C1orf146: variants seen among roughly 807,000 people sequenced by gnomAD.
C1orf146 encodes the protein chromosome 1 open reading frame 146.
In C1orf146, 22 loss-of-function variants were observed where a neutral mutation model predicts 23.0. The observed-to-expected ratio is 0.96, with a 90% CI of 0.68 to 1.36. C1orf146 has a LOEUF of 1.36. Ranked by LOEUF, C1orf146 falls within the 40% of genes most tolerant of loss-of-function variation. The pLI is 0.00. For synonymous variants in C1orf146, 59 were observed against 65.3 expected, an observed-to-expected ratio of 0.90 and a Z score of 0.47; for missense variants, 199 against 206.8, an observed-to-expected ratio of 0.96 and a Z score of 0.23.
chr1:92,234,711 G>C (rs1305808890), intron 2 of C1orf146, among the ~76,000 whole-genome samples: 1 of 152,176 alleles, frequency 6.6e-6, no homozygotes, highest in African/African-American at 2.4e-5. Context: ...TTTACCTCTG[G>C]TAGAATTAGG....
At chr1:92,224,551 C>T (rs983567303) in intron 1 of C1orf146, among the ~76,000 whole-genome samples, 1 of 152,052 alleles carries the variant, frequency 6.6e-6, no homozygotes, top group East Asian at 1.9e-4. Flanking sequence ...ATATGGTGTA[C>T]GGAATGGATC....
intron 2 of C1orf146, among the ~76,000 whole-genome samples, chr1:92,238,486 A>G (rs1652350444): frequency 6.6e-6 from 1 of 152,224 alleles, no homozygotes; most frequent in African/African-American, 2.4e-5. Flanking sequence ...TTAATATCTC[A>G]TAGGACTAAT....
chr1:92,230,064 ATTG>A (rs34469076), intron 1 of C1orf146, among the ~76,000 whole-genome samples: 72,063 of 151,432 alleles, frequency 0.48, 18,112 homozygotes, highest in East Asian at 0.96. Flanking sequence ...TGTATGGTGC[ATTG>A]TTGTTGTTGT....
chr1:92,237,059 C>T (rs996548900), intron 2 of C1orf146, among the ~76,000 whole-genome samples: 5 of 152,098 alleles, frequency 3.3e-5, no homozygotes, highest in African/African-American at 4.8e-5. Flanking sequence ...TTTGAATTTC[C>T]TCCTGTAGCT....
At chr1:92,237,023 A>G (rs1236257743) in intron 2 of C1orf146, among the ~76,000 whole-genome samples, 1 of 152,060 alleles carries the variant, frequency 6.6e-6, no homozygotes, top group Non-Finnish European at 1.5e-5. Context: ...AATTTTTTTC[A>G]AAGTTTTTAA....
At chr1:92,235,567 T>C (rs1203689384) in intron 2 of C1orf146, among the ~76,000 whole-genome samples, 1 of 152,248 alleles carries the variant, frequency 6.6e-6, no homozygotes, top group Non-Finnish European at 1.5e-5. Flanking sequence ...GGTGTGGTGC[T>C]GAAGAAAATG....
intron 1 of C1orf146, among the ~76,000 whole-genome samples, chr1:92,226,278 G>T (rs1651966029): frequency 6.6e-6 from 1 of 151,448 alleles, no homozygotes; most frequent in South Asian, 2.1e-4. Flanking sequence ...ACTTTCTCTG[G>T]ATACTATAAT....
chr1:92,218,845 T>C (rs899519287), intron 1 of C1orf146, among the ~76,000 whole-genome samples: 4 of 152,180 alleles, frequency 2.6e-5, no homozygotes, highest in Non-Finnish European at 5.9e-5. Context: ...ACACAGTCCT[T>C]GCTTGGCTGC....
intron 2 of C1orf146, among the ~76,000 whole-genome samples, chr1:92,233,178 C>T (rs1652177590): frequency 6.6e-6 from 1 of 152,124 alleles, no homozygotes; most frequent in Admixed American, 6.5e-5. Flanking sequence ...ACGTGAAGTC[C>T]TTGCCCATGC....
At chr1:92,242,371 T>TCA in intron 3 of C1orf146, 66 bp downstream of exon 3, 6 of 849,738 alleles carry the variant, frequency 7.1e-6, no homozygotes, top group Non-Finnish European at 9.3e-6. Context: ...TCTAATGACT[T>TCA]CATAGTTCAG....
intron 5 of C1orf146, 34 bp from the exon 6 acceptor site, chr1:92,245,506 G>A (rs1288083990): frequency 2.0e-5 from 31 of 1,524,786 alleles, no homozygotes; most frequent in Non-Finnish European, 2.7e-5. Flanking sequence ...CCTTATTTCT[G>A]TAAATAATGC....
At chr1:92,221,002 G>A (rs1473219237) in intron 1 of C1orf146, among the ~76,000 whole-genome samples, 2 of 152,136 alleles carry the variant, frequency 1.3e-5, no homozygotes, top group East Asian at 3.8e-4. Context: ...TAATAAGCTA[G>A]CCTGTTACTG....
At chr1:92,242,164 A>G in intron 2 of C1orf146, 48 bp from the exon 3 acceptor site, 1 of 1,056,030 alleles carries the variant, frequency 9.5e-7, no homozygotes, top group East Asian at 2.5e-5. Context: ...GCTTTAATAC[A>G]ATTGTAAGCA....
intron 1 of C1orf146, chr1:92,229,128 G>A (rs534905556): frequency 1.7e-5 from 9 of 517,638 alleles, no homozygotes; most frequent in African/African-American, 1.5e-4. Flanking sequence ...GATCCACACC[G>A]AGTACTTTCG....
intron 2 of C1orf146, among the ~76,000 whole-genome samples, chr1:92,237,181 T>C (rs1652301926): frequency 6.6e-6 from 1 of 152,214 alleles, no homozygotes; most frequent in Non-Finnish European, 1.5e-5. Context: ...GGAGAGGTGC[T>C]CTGCTTTTTA....
intron 1 of C1orf146, among the ~76,000 whole-genome samples, chr1:92,228,660 C>T (rs1024611077): frequency 1.3e-5 from 2 of 152,162 alleles, no homozygotes; most frequent in African/African-American, 2.4e-5. Flanking sequence ...CTGCACAGAT[C>T]GGAGACTGCT....
chr1:92,236,991 A>G (rs1168550900), intron 2 of C1orf146, among the ~76,000 whole-genome samples: 1 of 152,058 alleles, frequency 6.6e-6, no homozygotes, highest in Non-Finnish European at 1.5e-5. Context: ...TGTATTGTTT[A>G]TTCTAGTTAT....
chr1:92,223,974 G>A (rs1226767881), intron 1 of C1orf146, among the ~76,000 whole-genome samples: 1 of 150,938 alleles, frequency 6.6e-6, no homozygotes, highest in Non-Finnish European at 1.5e-5. Flanking sequence ...TATAAATGTA[G>A]GTGTTACTGG....
chr1:92,223,690 C>T (rs1160716307), intron 1 of C1orf146, among the ~76,000 whole-genome samples: 7 of 152,046 alleles, frequency 4.6e-5, no homozygotes, highest in Non-Finnish European at 7.4e-5. Flanking sequence ...CGCACCACCA[C>T]GCCTGGCTAA....
Sources: gnomAD v4.1 joint callset for allele counts (sites outside exome capture counted in the v4.1 genomes callset) on GRCh38, gnomAD v4.1.1 for gene constraint, MANE v1.5 for transcripts, NCBI Gene and HGNC (gene_info 2026-07-23, HGNC 2026-07-21) for gene names.